TMPRSS11D: variants seen among roughly 807,000 people sequenced by gnomAD.
TMPRSS11D encodes transmembrane protease serine 11D.
TMPRSS11D carries 32 observed loss-of-function variants against 44.4 expected under a neutral mutation model. That is an observed-to-expected ratio of 0.72 (90% CI 0.54 to 0.97). The LOEUF (loss-of-function observed/expected upper bound fraction) is 0.97. TMPRSS11D is among the 50% of genes least tolerant of loss of function. TMPRSS11D has a pLI of 0.00. For synonymous variants in TMPRSS11D, 179 were observed against 177.9 expected, an observed-to-expected ratio of 1.01 and a Z score of -0.05; for missense variants, 446 against 502.6, an observed-to-expected ratio of 0.89 and a Z score of 1.08.
chr4:67,880,164 T>A (rs1374892670), intron 1 of TMPRSS11D, among the ~76,000 whole-genome samples: 1 of 152,208 alleles, frequency 6.6e-6, no homozygotes, highest in Non-Finnish European at 1.5e-5. Context: ...AAAGGTCAGT[T>A]CGTAGACAGG....
chr4:67,827,691 G>A (rs964254543), intron 7 of TMPRSS11D, among the ~76,000 whole-genome samples, 171 bp from the exon 8 acceptor site: 2 of 152,092 alleles, frequency 1.3e-5, no homozygotes, highest in Non-Finnish European at 2.9e-5. Flanking sequence ...TTCACTGGCC[G>A]AATACATGGT....
intron 7 of TMPRSS11D, among the ~76,000 whole-genome samples, chr4:67,831,199 A>G (rs756850168): frequency 7.9e-5 from 12 of 152,156 alleles, no homozygotes; most frequent in Non-Finnish European, 1.2e-4. Flanking sequence ...GTGGAACTCA[A>G]TGGAGAGGAA....
intron 9 of TMPRSS11D, among the ~76,000 whole-genome samples, chr4:67,824,648 G>T (rs1385290114): frequency 1.3e-5 from 2 of 152,076 alleles, no homozygotes; most frequent in Admixed American, 1.3e-4. Flanking sequence ...TTTGGGAAAT[G>T]TGCTCATGGA....
intron 5 of TMPRSS11D, among the ~76,000 whole-genome samples, chr4:67,835,531 T>C (rs1718059442): frequency 6.6e-6 from 1 of 152,166 alleles, no homozygotes; most frequent in African/African-American, 2.4e-5. Context: ...ATTACTCTAA[T>C]GATACCACTC....
rs546653026 is a variant in TMPRSS11D at position 67,850,990 on chromosome 4, C to G, written c.249+3078G>C. ...AAAAAGCCTGTGAGCCTTCGAGTGA[C>G]TTGCCTGGAAGTGGAGGAAATCAAA... On this transcript the variant is annotated intron_variant, in intron 3 of 9. Transcript: ENST00000283916. Among the ~76,000 whole-genome samples the G allele has an allele frequency of 7.9e-5, 12 of 152,286 alleles. 1 individual carries two copies. In the East Asian group the frequency reaches 2.3e-3, roughly 29 times the overall value.
In TMPRSS11D at chr4:67,827,267, A is replaced by G. The variant is rs1224756762; in HGVS notation, c.946T>C (p.Tyr316His). The G allele has an allele frequency of 1.3e-6, 2 of 1,597,858 alleles. No individual in the cohort carries two copies. Among genetic ancestry groups the G allele is most frequent in the Admixed American group, 3.6e-5 (2 of 55,776 alleles). The change falls in exon 8 of 10, where the codon TAT becomes CAT. Residue 316 changes from tyrosine (Y) to histidine (H), a missense_variant. Coordinates refer to ENST00000283916, the MANE Select transcript of TMPRSS11D (RefSeq NM_004262.3). ...TTTTTTCCGAGACACTTACCAGCATATTCTTGAGCGCCCCATCCTGTTACA... is the reference window on the plus strand; with the variant it reads ...TTTTTTCCGAGACACTTACCAGCATGTTCTTGAGCGCCCCATCCTGTTACA... Reference protein sequence around the residue: ...AYVTGWGAQEYAGHTVPELRQ... With the variant: ...AYVTGWGAQEHAGHTVPELRQ...
chr4:67,875,795 T>A (rs1577833997), intron 1 of TMPRSS11D, among the ~76,000 whole-genome samples: 4 of 152,206 alleles, frequency 2.6e-5, no homozygotes, highest in Admixed American at 2.6e-4. Flanking sequence ...ACTCAAATAA[T>A]GTCTGGCATT....
At chr4:67,844,177 G>A (rs1424621957) in intron 3 of TMPRSS11D, among the ~76,000 whole-genome samples, 1 of 152,126 alleles carries the variant, frequency 6.6e-6, no homozygotes, top group African/African-American at 2.4e-5. Context: ...AAAAGGTGAA[G>A]ACAAGAAAAT....
intron 2 of TMPRSS11D, among the ~76,000 whole-genome samples, chr4:67,857,308 TATATATATATATATACACACACACAC>T (rs1718672888): frequency 9.7e-4 from 7 of 7,234 alleles, no homozygotes; most frequent in Non-Finnish European, 1.5e-3. Flanking sequence ...TATATATATA[TATATATATATATATACACACACACAC>T]ACACACACAC....
At chr4:67,871,477 C>A (rs1020739106) in intron 1 of TMPRSS11D, among the ~76,000 whole-genome samples, 1 of 152,160 alleles carries the variant, frequency 6.6e-6, no homozygotes, top group Non-Finnish European at 1.5e-5. Context: ...ATGCTGCTGA[C>A]ACAAGTCGGT....
At chr4:67,859,304 T>C (rs1718736145) in intron 2 of TMPRSS11D, among the ~76,000 whole-genome samples, 2 of 152,092 alleles carry the variant, frequency 1.3e-5, no homozygotes, top group South Asian at 2.1e-4. Flanking sequence ...TAATTCTTTT[T>C]TGAGTAACAA....
At position 67,827,452 on chromosome 4, in the gene TMPRSS11D, C is replaced by T; in HGVS notation, c.761G>A (p.Arg254Lys). The T allele has an allele frequency of 6.2e-7, 1 of 1,612,612 alleles. No homozygotes were observed. Among genetic ancestry groups the T allele is most frequent in the Middle Eastern group, 1.7e-4 (1 of 6,050 alleles). ...GTTATGAATTAAAATATTTCTTACT[C>T]TCATTCTTAGTTTAGGAAATGTTGT... The part of the protein sequence containing the change: ...ISTTFPKLRM[R>K]VRNILIHNNY... Residue 254 changes from arginine (R) to lysine (K), a missense_variant, in exon 8 of 10, where the codon AGA becomes AAA. Physicochemically the swap from Arg to Lys is conservative, Grantham distance 26. Coordinates refer to ENST00000283916, the MANE Select transcript of TMPRSS11D (RefSeq NM_004262.3).
chr4:67,851,138 C>T (rs1440732), intron 3 of TMPRSS11D, among the ~76,000 whole-genome samples: 150,522 of 152,266 alleles, frequency 0.99, 74,415 homozygotes, highest in East Asian at 1. Flanking sequence ...ATTGACTCAC[C>T]TCCCTACTAC....
intron 9 of TMPRSS11D, among the ~76,000 whole-genome samples, chr4:67,823,572 G>A (rs2109653825): frequency 6.6e-6 from 1 of 152,228 alleles, no homozygotes; most frequent in South Asian, 2.1e-4. Flanking sequence ...AGTATAGTCA[G>A]TACTAATAAA....
intron 3 of TMPRSS11D, among the ~76,000 whole-genome samples, chr4:67,852,484 C>T (rs1205245040): frequency 3.9e-5 from 6 of 152,078 alleles, no homozygotes; most frequent in African/African-American, 1.4e-4. Flanking sequence ...GACCATACTT[C>T]GAAAACCACT....
chr4:67,844,083 G>C (rs1217566357), intron 3 of TMPRSS11D, among the ~76,000 whole-genome samples: 1 of 151,960 alleles, frequency 6.6e-6, no homozygotes, highest in African/African-American at 2.4e-5. Flanking sequence ...TGAGATGCAG[G>C]GTCAGATGTA....
intron 1 of TMPRSS11D, among the ~76,000 whole-genome samples, chr4:67,870,635 A>T (rs1342961992): frequency 6.6e-6 from 1 of 152,056 alleles, no homozygotes; most frequent in Non-Finnish European, 1.5e-5. Context: ...TAACATGGTG[A>T]AACCCAGTCT....
At chr4:67,859,821 A>G (rs1272373705) in intron 1 of TMPRSS11D, 143 bp from the exon 2 acceptor site, 2 of 1,145,944 alleles carry the variant, frequency 1.7e-6, no homozygotes, top group South Asian at 2.0e-5. Context: ...TAGATATGAA[A>G]CTGAACTTAA....
At chr4:67,822,862 T>C (rs1231235981) in intron 9 of TMPRSS11D, among the ~76,000 whole-genome samples, 2 of 152,198 alleles carry the variant, frequency 1.3e-5, no homozygotes, top group African/African-American at 4.8e-5. Flanking sequence ...CATTGTGTCT[T>C]TATATCTTGT....
Sources: allele counts gnomAD v4.1 joint callset (sites outside exome capture counted in the v4.1 genomes callset), GRCh38; gene constraint gnomAD v4.1.1; transcripts MANE v1.5; gene names NCBI Gene and HGNC (gene_info 2026-07-23, HGNC 2026-07-21).